The following CFAP20DC variants were observed in gnomAD, a reference collection of about 807,000 sequenced individuals.
The protein encoded by CFAP20DC is CFAP20 domain containing, also known as protein CFAP20DC.
Under a neutral mutation model 101.7 loss-of-function variants are expected in CFAP20DC, and 84 were observed. The ratio of observed to expected loss-of-function variants is 0.83; its 90% CI spans 0.69 to 0.99. CFAP20DC has a LOEUF of 0.99. CFAP20DC is among the 50% of genes least tolerant of loss of function. The probability of loss-of-function intolerance (pLI) is 0.00; values close to 1 mark genes in which losing one functional copy is unlikely to be tolerated. For missense variants in CFAP20DC, 1,007 were observed against 970.3 expected (o/e 1.04, Z -0.50); for synonymous variants, 359 against 351.2 (o/e 1.02, Z -0.25).
chr3:58,863,939 AGT>A lies in CFAP20DC; in HGVS notation c.1259-49_1259-48del. The stretch of plus-strand genomic sequence containing the variant: ...AAAAATTAGAGCAGTAATCCATAAA[AGT>A]GTTATTTTTATTTATTTATTTTTAG... On this transcript the variant is annotated intron_variant, in intron 11 of 16. Coordinates refer to ENST00000482387, the MANE Select transcript of CFAP20DC (RefSeq NM_001394063.1). The surrounding 1 kb of genome is among the most constrained non-coding windows in gnomAD (Gnocchi z 5.9). 1 of 1,505,046 alleles carries A rather than the reference AGT, an allele frequency of 6.6e-7. No homozygotes were observed. Among genetic ancestry groups the A allele is most frequent in the South Asian group, 1.3e-5 (1 of 75,158 alleles). The allele number at this position is 1,505,046 out of a possible 1,614,324, so 93.2% of individuals were successfully genotyped here. A position where few individuals can be genotyped will look rare whatever the true frequency, so the allele number is the denominator to read the frequency against.
intron 14 of CFAP20DC, among the ~76,000 whole-genome samples, chr3:58,814,024 G>C (rs1255558290): frequency 6.6e-6 from 1 of 151,838 alleles, no homozygotes; most frequent in Non-Finnish European, 1.5e-5. Flanking sequence ...ACTCACACTG[G>C]TATAGAAATA....
At position 58,863,941 on chromosome 3, in the gene CFAP20DC, T is replaced by C; in HGVS notation, c.1259-49A>G. 2.0e-6 allele frequency: 3 copies of C among 1,495,384 alleles called. No individual in the cohort carries two copies. Among genetic ancestry groups the C allele is most frequent in the Non-Finnish European group, 2.7e-6 (3 of 1,120,886 alleles). 92.6% of individuals were successfully genotyped at this position (1,495,384 alleles called of 1,614,324 possible). ...AAATTAGAGCAGTAATCCATAAAAG[T>C]GTTATTTTTATTTATTTATTTTTAG... On this transcript the variant is annotated intron_variant, in intron 11 of 16. Transcript: ENST00000482387. The surrounding 1 kb of genome is among the most constrained non-coding windows in gnomAD (Gnocchi z 5.9).
chr3:58,780,352 G>A (rs1044722895), intron 15 of CFAP20DC, among the ~76,000 whole-genome samples: 1 of 151,982 alleles, frequency 6.6e-6, no homozygotes, highest in African/African-American at 2.4e-5. Flanking sequence ...AGCCACAATG[G>A]TAAATAGTAA....
Position 58,810,082 on chromosome 3 carries a change from A to G in CFAP20DC, c.2176-3626T>C, listed in dbSNP as rs867008352. 2.4e-4 allele frequency among the ~76,000 whole-genome samples: 36 copies of G among 152,228 alleles called. No homozygotes were observed. The Middle Eastern group carries it at 0.01, about 43-fold the overall frequency. On this transcript the variant is annotated intron_variant, in intron 14 of 16. Transcript: ENST00000482387. ...ATCAATAGCTTACCAATCAAAAAGA[A>G]TCCAGGACCAGATGGACTCACAGCC...
At chr3:59,036,495 C>T (rs2109172851) in intron 4 of CFAP20DC, among the ~76,000 whole-genome samples, 1 of 152,180 alleles carries the variant, frequency 6.6e-6, no homozygotes, top group Non-Finnish European at 1.5e-5. Context: ...TCCTATACAC[C>T]AATAATAGAC....
At chr3:58,978,041 G>A (rs1408869744) in intron 4 of CFAP20DC, among the ~76,000 whole-genome samples, 2 of 152,206 alleles carry the variant, frequency 1.3e-5, no homozygotes, top group South Asian at 2.1e-4. Flanking sequence ...GAATGGAACT[G>A]AAGAGGAAAG....
chr3:59,006,949 A>T lies in CFAP20DC; in HGVS notation c.278+32608T>A, dbSNP rs1296159143. Among the ~76,000 whole-genome samples the T allele has an allele frequency of 6.6e-6, 1 of 152,188 alleles. No individual in the cohort carries two copies. The highest frequency in any genetic ancestry group is 1.5e-5 in the Non-Finnish European group (1 of 68,030). ...AGCGTGGAAGCTTATGGCCTGGGGC[A>T]GGTCTGAGTTTTGTGAGCAGGCTAA... On this transcript the variant is annotated intron_variant, in intron 4 of 16. Transcript: ENST00000482387. The surrounding 1 kb of genome is among the most constrained non-coding windows in gnomAD (Gnocchi z 4.3).
chr3:58,843,262 T>C (rs569741834), intron 13 of CFAP20DC, among the ~76,000 whole-genome samples: 41 of 151,982 alleles, frequency 2.7e-4, no homozygotes, highest in African/African-American at 8.5e-4. Context: ...TTAAAAACTT[T>C]GAAAAAAATT....
intron 14 of CFAP20DC, among the ~76,000 whole-genome samples, chr3:58,813,285 ATGGAACT>A (rs1165595600): frequency 6.6e-6 from 1 of 151,952 alleles, no homozygotes; most frequent in Admixed American, 6.6e-5. Flanking sequence ...CTTGCTTCCA[ATGGAACT>A]TGATCTTTTT....
chr3:58,948,340 C>G (rs2089634948), intron 4 of CFAP20DC, among the ~76,000 whole-genome samples: 1 of 152,238 alleles, frequency 6.6e-6, no homozygotes, highest in Non-Finnish European at 1.5e-5. Context: ...GCCAGCTCCT[C>G]CCTGAAAACT....
Position 58,902,046 on chromosome 3 carries a change from G to A in CFAP20DC, c.550+11662C>T, listed in dbSNP as rs1261777767. 2.0e-5 allele frequency among the ~76,000 whole-genome samples: 3 copies of A among 152,126 alleles called. No individual in the cohort carries two copies. In the South Asian group the frequency reaches 6.2e-4, roughly 32 times the overall value. On this transcript the variant is annotated intron_variant, in intron 6 of 16. Transcript: ENST00000482387. ...CTTTTTTTGTCTGGCTTCTTTCACT[G>A]AGCATGTTTTGGAGGTTCCTCCACA...
chr3:58,808,858 G>A (rs2074350601), intron 14 of CFAP20DC, among the ~76,000 whole-genome samples: 3 of 152,114 alleles, frequency 2.0e-5, no homozygotes, highest in African/African-American at 7.2e-5. Flanking sequence ...CAAAATAAGA[G>A]GATGGAGGAA....
chr3:58,816,829 T>A (rs557188236), intron 14 of CFAP20DC, among the ~76,000 whole-genome samples: 436 of 152,252 alleles, frequency 2.9e-3, no homozygotes, highest in Non-Finnish European at 4.4e-3. Context: ...GCTCCACCTC[T>A]GGGGGCAGGG....
rs186976393 is a variant in CFAP20DC at position 58,806,999 on chromosome 3, G to A, written c.2176-543C>T. Among the ~76,000 whole-genome samples the A allele has an allele frequency of 9.0e-4, 137 of 152,262 alleles. 3 individuals are homozygous for A. Among genetic ancestry groups the A allele is most frequent in the South Asian group, 7.5e-3 (36 of 4,822 alleles). ...GCAGTCTGAGATCAAACTGCAAGGC[G>A]GCAGTGAGGCTGGGGGAGGGGTGCC... On this transcript the variant is annotated intron_variant, in intron 14 of 16. Transcript: ENST00000482387.
chr3:58,784,465 A>C (rs2072136406), intron 15 of CFAP20DC, among the ~76,000 whole-genome samples: 2 of 152,074 alleles, frequency 1.3e-5, no homozygotes, highest in Non-Finnish European at 2.9e-5. Flanking sequence ...AAACCTCAGC[A>C]TCATGCAATA....
intron 16 of CFAP20DC, among the ~76,000 whole-genome samples, chr3:58,752,937 ATTC>A (rs2068676777): frequency 6.6e-6 from 1 of 152,098 alleles, no homozygotes; most frequent in African/African-American, 2.4e-5. Flanking sequence ...TATCTTCAAA[ATTC>A]CACCCAGAAA....
intron 5 of CFAP20DC, among the ~76,000 whole-genome samples, chr3:58,921,839 T>C (rs928261418): frequency 1.3e-5 from 2 of 152,218 alleles, no homozygotes; most frequent in Non-Finnish European, 2.9e-5. Context: ...ATTCTGTGTT[T>C]AGTTTTGTTA....
At position 59,006,588 on chromosome 3, in the gene CFAP20DC, T is replaced by C. The variant is rs1318116166; in HGVS notation, c.278+32969A>G. ...AGAAGGACTTAACCTTACCTACAGC[T>C]AAAACAGATTTGGGGAGCTGAATGA... On this transcript the variant is annotated intron_variant, in intron 4 of 16. Coordinates refer to ENST00000482387, the MANE Select transcript of CFAP20DC (RefSeq NM_001394063.1). The surrounding 1 kb of genome is among the most constrained non-coding windows in gnomAD (Gnocchi z 4.3). Among the ~76,000 whole-genome samples, 1 of 152,130 alleles carries C rather than the reference T, an allele frequency of 6.6e-6. No individual in the cohort carries two copies. The highest frequency in any genetic ancestry group is 1.5e-5 in the Non-Finnish European group (1 of 68,034).
chr3:58,792,030 AC>A (rs2072902709), intron 15 of CFAP20DC, among the ~76,000 whole-genome samples: 1 of 152,212 alleles, frequency 6.6e-6, no homozygotes, highest in Admixed American at 6.5e-5. Context: ...GTCAGTAACT[AC>A]TATAGACAAT....
Sources: gnomAD v4.1 joint callset for allele counts (sites outside exome capture counted in the v4.1 genomes callset) on GRCh38, gnomAD v4.1.1 for gene constraint, Gnocchi (gnomAD v3.1) non-coding constraint, MANE v1.5 for transcripts, NCBI Gene and HGNC (gene_info 2026-07-23, HGNC 2026-07-21) for gene names.